The following ST18 variants were observed in gnomAD, a reference collection of about 807,000 sequenced individuals.
ST18 encodes ST18 C2H2C-type zinc finger transcription factor, also known as suppression of tumorigenicity 18 protein.
Under a neutral mutation model 110.0 loss-of-function variants are expected in ST18, and 50 were observed. The observed-to-expected ratio is 0.45, with a 90% CI of 0.36 to 0.58. The LOEUF is 0.58. Ranked by LOEUF, ST18 falls within the 20% of genes least tolerant of loss-of-function variation. The probability of loss-of-function intolerance (pLI) is 0.00; values close to 1 mark genes in which losing one functional copy is unlikely to be tolerated. For missense variants in ST18, 1,306 were observed against 1,280.1 expected (o/e 1.02, Z -0.31); for synonymous variants, 461 against 452.4 (o/e 1.02, Z -0.24).
At chr8:52,386,979 C>A (rs573530886) in intron 2 of ST18, among the ~76,000 whole-genome samples, 1 of 152,300 alleles carries the variant, frequency 6.6e-6, no homozygotes, top group Admixed American at 6.5e-5. Context: ...AAGCACTTTG[C>A]AAAACACATT....
At chr8:52,225,044 A>G (rs2088747861) in intron 3 of ST18, among the ~76,000 whole-genome samples, 1 of 152,204 alleles carries the variant, frequency 6.6e-6, no homozygotes, top group South Asian at 2.1e-4. Flanking sequence ...GCATCACAAT[A>G]ACTTCCGGTT....
chr8:52,332,774 C>T (rs533859197), intron 2 of ST18, among the ~76,000 whole-genome samples: 1 of 152,110 alleles, frequency 6.6e-6, no homozygotes, highest in South Asian at 2.1e-4. Flanking sequence ...TCGCTTGAAC[C>T]TGGGAGGCAG....
intron 2 of ST18, among the ~76,000 whole-genome samples, chr8:52,367,638 A>T (rs1828646360): frequency 6.6e-6 from 1 of 152,188 alleles, no homozygotes; most frequent in South Asian, 2.1e-4. Context: ...CCCCAAAAGG[A>T]GGGCAATGGT....
intron 2 of ST18, among the ~76,000 whole-genome samples, chr8:52,268,116 G>C (rs2094933623): frequency 6.6e-6 from 1 of 152,188 alleles, no homozygotes; most frequent in African/African-American, 2.4e-5. Flanking sequence ...AGAGCATTTT[G>C]GTCCAGTGTG....
intron 24 of ST18, 146 bp from the exon 25 acceptor site, chr8:52,116,564 G>T: frequency 1.3e-6 from 1 of 778,750 alleles, no homozygotes; most frequent in Non-Finnish European, 2.0e-6. Flanking sequence ...TGAAGCTGCA[G>T]CCCCACTGGA....
At chr8:52,302,529 T>G (rs1007435711) in intron 2 of ST18, among the ~76,000 whole-genome samples, 6 of 152,166 alleles carry the variant, frequency 3.9e-5, no homozygotes, top group Non-Finnish European at 5.9e-5. Context: ...AAGCACCAGG[T>G]CTTGGTTGCT....
At chr8:52,267,206 G>A (rs1433244767) in intron 2 of ST18, among the ~76,000 whole-genome samples, 2 of 152,018 alleles carry the variant, frequency 1.3e-5, no homozygotes, top group African/African-American at 4.8e-5. Flanking sequence ...ACCCTAGGAG[G>A]TGAGGAGGTG....
intron 2 of ST18, among the ~76,000 whole-genome samples, chr8:52,379,300 G>C (rs575016970): frequency 6.6e-6 from 1 of 151,894 alleles, no homozygotes; most frequent in African/African-American, 2.4e-5. Flanking sequence ...GTTTCACCAT[G>C]TTGGCCAGGC....
At chr8:52,148,551 T>A (rs1253601873) in intron 16 of ST18, among the ~76,000 whole-genome samples, 4 of 152,196 alleles carry the variant, frequency 2.6e-5, no homozygotes, top group African/African-American at 9.6e-5. Flanking sequence ...CATGCATGAC[T>A]GTGGCACACA....
chr8:52,336,449 C>G (rs1812121828), intron 2 of ST18, among the ~76,000 whole-genome samples: 1 of 152,168 alleles, frequency 6.6e-6, no homozygotes. Context: ...CCACACCAGC[C>G]TGCTTCTTGG....
At chr8:52,290,428 G>A (rs926142396) in intron 2 of ST18, among the ~76,000 whole-genome samples, 5 of 152,180 alleles carry the variant, frequency 3.3e-5, no homozygotes, top group Non-Finnish European at 7.3e-5. Context: ...ATGATGGAAT[G>A]TTTACATACC....
At chr8:52,316,108 T>C (rs1034459537) in intron 2 of ST18, among the ~76,000 whole-genome samples, 5 of 152,210 alleles carry the variant, frequency 3.3e-5, no homozygotes, top group Non-Finnish European at 7.3e-5. Context: ...TGATGTGACA[T>C]ATACATATTA....
intron 2 of ST18, among the ~76,000 whole-genome samples, chr8:52,241,070 A>G (rs534360605): frequency 1.8e-4 from 28 of 152,336 alleles, no homozygotes; most frequent in African/African-American, 4.3e-4. Context: ...AATCCAAACC[A>G]GAAGCCTGTC....
intron 2 of ST18, among the ~76,000 whole-genome samples, chr8:52,303,205 C>T (rs1402020928): frequency 1.3e-5 from 2 of 152,216 alleles, no homozygotes; most frequent in African/African-American, 4.8e-5. Flanking sequence ...GGACCATGCA[C>T]CCTCTGAAGG....
intron 2 of ST18, among the ~76,000 whole-genome samples, chr8:52,387,412 A>G (rs1370501796): frequency 2.0e-5 from 3 of 152,168 alleles, no homozygotes; most frequent in African/African-American, 7.2e-5. Flanking sequence ...GTGTCCCCCT[A>G]GGTTTAGGGT....
At chr8:52,294,704 A>C (rs1458439966) in intron 2 of ST18, 2 of 152,274 alleles carry the variant, frequency 1.3e-5, no homozygotes, top group Non-Finnish European at 2.9e-5. Flanking sequence ...AGAGAAAACC[A>C]AAGCAGATTC....
rs201907263 is a variant in ST18, at chr8:52,302,904, ATAAT to A, written c.-464-72831_-464-72828del. 7.9e-3 allele frequency among the ~76,000 whole-genome samples: 1,204 copies of A among 152,336 alleles called. 12 individuals are homozygous for A. Among genetic ancestry groups the A allele is most frequent in the African/African-American group, 0.026 (1,092 of 41,568 alleles). ...TCACCATTTGTCAATCATAATAGTA[ATAAT>A]TAAATAAGCCAAGAAGCATCGATGG... On this transcript the variant is annotated intron_variant, in intron 2 of 25. Coordinates refer to ENST00000689386, the MANE Select transcript of ST18 (RefSeq NM_001352837.2).
rs200116684 is a variant in ST18, at chr8:52,282,209, G to GA, written c.-464-52133dup. On this transcript the variant is annotated intron_variant, in intron 2 of 25. Transcript: ENST00000689386. ...AGTAGAATAATTCCAAAACCAGGAG[G>GA]AAAAAAAGAAGAAAAAACCCAAGAG... Among the ~76,000 whole-genome samples the GA allele has an allele frequency of 5.9e-3, 894 of 151,688 alleles. 5 individuals carry two copies. The highest frequency in any genetic ancestry group is 0.02 in the African/African-American group (846 of 41,338).
chr8:52,306,212 C>T (rs536424339), intron 2 of ST18, among the ~76,000 whole-genome samples: 1 of 152,272 alleles, frequency 6.6e-6, no homozygotes, highest in East Asian at 1.9e-4. Flanking sequence ...CAGCTCTGGC[C>T]ATCTTAACTA....
Sources: gnomAD v4.1 joint callset for allele counts (sites outside exome capture counted in the v4.1 genomes callset) on GRCh38, gnomAD v4.1.1 for gene constraint, MANE v1.5 for transcripts, NCBI Gene and HGNC (gene_info 2026-07-23, HGNC 2026-07-21) for gene names.